The following KDM5B variants were observed in gnomAD, a reference collection of about 807,000 sequenced individuals.
The protein encoded by KDM5B is lysine demethylase 5B.
KDM5B carries 144 observed loss-of-function variants against 193.4 expected under a neutral mutation model. The observed-to-expected ratio is 0.74, with a 90% CI of 0.65 to 0.86. The LOEUF (loss-of-function observed/expected upper bound fraction) is 0.86. Ranked by LOEUF, KDM5B falls within the 40% of genes least tolerant of loss-of-function variation. The probability of loss-of-function intolerance (pLI) is 0.00; values close to 1 mark genes in which losing one functional copy is unlikely to be tolerated. For synonymous variants in KDM5B, 668 were observed against 682.6 expected (o/e 0.98, Z 0.33); for missense variants, 1,833 against 1,886.9 (o/e 0.97, Z 0.53).
intron 23 of KDM5B, 92 bp from the exon 24 acceptor site, chr1:202,732,031 G>T: frequency 1.4e-6 from 1 of 699,704 alleles, no homozygotes; most frequent in Non-Finnish European, 2.3e-6. Flanking sequence ...TACCCAGGCA[G>T]GCAACCAGGG....
Position 202,741,741 on chromosome 1 carries a change from G to A in KDM5B, c.2590-19C>T, listed in dbSNP as rs1431968450. ...AGAGATCCTAAAAAAAAATACACAG[G>A]TTGTTGCATTAAAACAGTAATTTCA... On this transcript the variant is annotated intron_variant, in intron 18 of 26. Coordinates refer to ENST00000367265, the MANE Select transcript of KDM5B (RefSeq NM_006618.5). 5 of 1,444,016 alleles carry A rather than the reference G, an allele frequency of 3.5e-6. No individual in the cohort carries two copies. Among genetic ancestry groups the A allele is most frequent in the East Asian group, 2.3e-5 (1 of 43,906 alleles). 89.5% of individuals were successfully genotyped at this position (1,444,016 alleles called of 1,614,324 possible). A position where few individuals can be genotyped will look rare whatever the true frequency, so the allele number is the denominator to read the frequency against.
chr1:202,783,396 T>C (rs1572763815), intron 1 of KDM5B, among the ~76,000 whole-genome samples: 1 of 151,756 alleles, frequency 6.6e-6, no homozygotes, highest in East Asian at 1.9e-4. Flanking sequence ...TCCCAGCTAA[T>C]CAGGAGGCTG....
chr1:202,779,289 T>C (rs1657094164), intron 1 of KDM5B, among the ~76,000 whole-genome samples: 1 of 151,596 alleles, frequency 6.6e-6, no homozygotes, highest in Admixed American at 6.6e-5. Flanking sequence ...GGGAGGATCA[T>C]GAGGTCAGGA....
At chr1:202,805,502 T>C (rs1164901175) in intron 1 of KDM5B, among the ~76,000 whole-genome samples, 1 of 152,202 alleles carries the variant, frequency 6.6e-6, no homozygotes, top group Non-Finnish European at 1.5e-5. Flanking sequence ...CAGAAATGTT[T>C]TATACTTCTC....
intron 1 of KDM5B, 54 bp downstream of exon 1, chr1:202,808,048 T>C (rs1412372721): frequency 2.5e-6 from 4 of 1,578,836 alleles, no homozygotes; most frequent in Non-Finnish European, 3.4e-6. Flanking sequence ...GACCCGCGCG[T>C]CCCCGCTCCC....
chr1:202,783,251 G>C (rs1256861586), intron 1 of KDM5B, among the ~76,000 whole-genome samples: 2 of 152,076 alleles, frequency 1.3e-5, no homozygotes, highest in Non-Finnish European at 2.9e-5. Flanking sequence ...CTGGGTGACA[G>C]AGCAAGACTC....
chr1:202,728,943 G>C lies in KDM5B; in HGVS notation c.*93C>G, dbSNP rs1012603891. 8.5e-5 allele frequency: 123 copies of C among 1,448,188 alleles called. No individual in the cohort carries two copies. The highest frequency in any genetic ancestry group is 1.5e-4 in the Admixed American group (9 of 59,166). The allele number at this position is 1,448,188 out of a possible 1,614,324, so 89.7% of individuals were successfully genotyped here. The stretch of plus-strand genomic sequence containing the variant: ...TAGCACCGTTTACAGGCTGGCTTGA[G>C]TACCAGTCCTGTAGCTTTGCTGAGA... On this transcript the variant is annotated 3_prime_UTR_variant, in exon 27 of 27. Coordinates refer to ENST00000367265, the MANE Select transcript of KDM5B (RefSeq NM_006618.5).
At position 202,742,282 on chromosome 1, in the gene KDM5B, TA is replaced by T; in HGVS notation, c.2589+108del. 13 of 739,964 alleles carry T rather than the reference TA, an allele frequency of 1.8e-5. No individual in the cohort carries two copies. In the South Asian group the frequency reaches 2.2e-4, roughly 13 times the overall value. 45.8% of individuals were successfully genotyped at this position (739,964 alleles called of 1,614,324 possible). A position where few individuals can be genotyped will look rare whatever the true frequency, so the allele number is the denominator to read the frequency against. On this transcript the variant is annotated intron_variant, in intron 18 of 26. Coordinates refer to ENST00000367265, the MANE Select transcript of KDM5B (RefSeq NM_006618.5). ...ATAGGTTATTAAAAGCATCTGCAAA[TA>T]AATGTACATATTAATCATCAAAGAA...
intron 14 of KDM5B, among the ~76,000 whole-genome samples, chr1:202,748,342 C>A (rs1157008933): frequency 6.6e-6 from 1 of 151,822 alleles, no homozygotes; most frequent in East Asian, 1.9e-4. Context: ...TTGGATTAGG[C>A]AAGATTTATT....
At chr1:202,751,836 T>C (rs527421196) in intron 12 of KDM5B, among the ~76,000 whole-genome samples, 1 of 152,126 alleles carries the variant, frequency 6.6e-6, no homozygotes, top group East Asian at 1.9e-4. Flanking sequence ...CAGGGTCAGG[T>C]CTCAATTAAA....
intron 16 of KDM5B, among the ~76,000 whole-genome samples, chr1:202,743,831 C>CA (rs1342195599): frequency 3.5e-4 from 54 of 152,308 alleles, no homozygotes; most frequent in Non-Finnish European, 1.8e-4. Context: ...ACACCATATA[C>CA]AAAAATTAAC....
In KDM5B at chr1:202,774,227, A is replaced by T. The variant is rs78462081; in HGVS notation, c.405+386T>A. ...CTGACTTGAGAATCTCATTTCACAC[A>T]TCTCAAAAAGTAAGTTTATTTGTTC... On this transcript the variant is annotated intron_variant, in intron 3 of 26. Coordinates refer to ENST00000367265, the MANE Select transcript of KDM5B (RefSeq NM_006618.5). Among the ~76,000 whole-genome samples, 1,469 of 152,320 alleles carry T rather than the reference A, an allele frequency of 9.6e-3. 28 individuals carry two copies. The highest frequency in any genetic ancestry group is 0.033 in the African/African-American group (1,382 of 41,574).
At chr1:202,744,367 G>A (rs993660302) in intron 16 of KDM5B, among the ~76,000 whole-genome samples, 1 of 152,192 alleles carries the variant, frequency 6.6e-6, no homozygotes. Context: ...AGGCCAGCCT[G>A]ACTAACATGG....
intron 3 of KDM5B, among the ~76,000 whole-genome samples, 197 bp from the exon 4 acceptor site, chr1:202,773,485 C>T (rs1656806993): frequency 6.6e-6 from 1 of 152,234 alleles, no homozygotes; most frequent in Middle Eastern, 3.4e-3. Flanking sequence ...CAACATCTCT[C>T]TTGACAACAT....
chr1:202,790,284 G>GAAT (rs1657595052), intron 1 of KDM5B, among the ~76,000 whole-genome samples: 7 of 126,468 alleles, frequency 5.5e-5, no homozygotes, highest in East Asian at 2.8e-4. Context: ...ATGAATGAAT[G>GAAT]GATGGATGGC....
intron 1 of KDM5B, among the ~76,000 whole-genome samples, chr1:202,780,878 G>T (rs943844751): frequency 6.0e-5 from 9 of 151,042 alleles, no homozygotes; most frequent in Non-Finnish European, 1.3e-4. Flanking sequence ...CCACAATTAC[G>T]TTTGCGCCAA....
chr1:202,752,142 A>G (rs1248268160), intron 12 of KDM5B, among the ~76,000 whole-genome samples: 1 of 152,226 alleles, frequency 6.6e-6, no homozygotes, highest in Admixed American at 6.5e-5. Context: ...ATACATTTCA[A>G]TATGGCTTCC....
At chr1:202,765,690 C>G (rs1482395784) in intron 5 of KDM5B, among the ~76,000 whole-genome samples, 4 of 152,196 alleles carry the variant, frequency 2.6e-5, no homozygotes, top group Non-Finnish European at 5.9e-5. Flanking sequence ...TTTTTCCTAT[C>G]TCCAACTTAC....
Position 202,750,795 on chromosome 1 carries a change from T to C in KDM5B, c.1702-17A>G, listed in dbSNP as rs754734499. 8.7e-6 allele frequency: 14 copies of C among 1,609,324 alleles called. No individual in the cohort carries two copies. The highest frequency in any genetic ancestry group is 1.2e-5 in the Non-Finnish European group (14 of 1,177,610). On this transcript the variant is annotated splice_polypyrimidine_tract_variant and intron_variant, in intron 12 of 26. Coordinates refer to ENST00000367265, the MANE Select transcript of KDM5B (RefSeq NM_006618.5). ...TCGGTAAACCTAAAGAGACAGAAAT[T>C]GAAGATTTTTGAGTTTCTTAAAGAG...
Sources: gnomAD v4.1 joint callset for allele counts (sites outside exome capture counted in the v4.1 genomes callset) on GRCh38, gnomAD v4.1.1 for gene constraint, MANE v1.5 for transcripts, NCBI Gene and HGNC (gene_info 2026-07-23, HGNC 2026-07-21) for gene names.